HMGXB4: variants seen among roughly 807,000 people sequenced by gnomAD.
HMGXB4 encodes HMG domain-containing protein 4.
A neutral mutation model predicts 63.9 loss-of-function variants in HMGXB4; 27 were observed. The ratio of observed to expected loss-of-function variants is 0.42; its 90% CI spans 0.31 to 0.58. HMGXB4 has a LOEUF of 0.58. Ranked by LOEUF, HMGXB4 falls within the 20% of genes least tolerant of loss-of-function variation. HMGXB4 has a pLI of 0.13. For synonymous variants in HMGXB4, 264 were observed against 265.3 expected, an observed-to-expected ratio of 0.99 and a Z score of 0.05; for missense variants, 624 against 700.7, an observed-to-expected ratio of 0.89 and a Z score of 1.24.
At chr22:35,249,411 A>C in the HMGXB4 span, among the ~76,000 whole-genome samples, 1 of 98,322 alleles carries the variant, frequency 1.0e-5, no homozygotes, top group African/African-American at 2.6e-5. Context: ...TAACTTTTTT[A>C]CTTTATAAAC....
In HMGXB4 at chr22:35,293,040, A is replaced by G. The variant is rs556136047; in HGVS notation, c.1687A>G (p.Ile563Val). The change falls in exon 10 of 11, where the codon ATC becomes GTC. Residue 563 changes from isoleucine (I) to valine (V), a missense_variant. By Grantham distance (29) the Ile-to-Val change is conservative. Coordinates refer to ENST00000216106, the MANE Select transcript of HMGXB4 (RefSeq NM_001003681.3). ...GSLSVLLDSI[I>V]CALGPLACLT... Reference sequence around the variant, plus strand: ...TTTGTCAGTGCTTCTGGATTCCATTATCTGTGCCCTTGGCCCCTTGGCATG... The same window carrying G: ...TTTGTCAGTGCTTCTGGATTCCATTGTCTGTGCCCTTGGCCCCTTGGCATG... 3.1e-6 allele frequency: 5 copies of G among 1,614,164 alleles called. No homozygotes were observed. In the Admixed American group the frequency reaches 5.0e-5, roughly 16 times the overall value.
At chr22:35,276,190 G>A (rs932290) in intron 5 of HMGXB4, among the ~76,000 whole-genome samples, 75,789 of 152,084 alleles carry the variant, frequency 0.5, 22,412 homozygotes, top group Non-Finnish European at 0.65. Context: ...CAGCACGTGA[G>A]GCGAACAGTG....
rs551006065 is a variant in HMGXB4, at chr22:35,279,132, C to CTT, written c.1216-4800_1216-4799dup. Reference sequence around the variant, plus strand: ...TATTTTCTCACAGTCTATGGATTGTCTTTTTTTTTTTTTTTTTTTTTTTTT... The same window carrying CTT: ...TATTTTCTCACAGTCTATGGATTGTCTTTTTTTTTTTTTTTTTTTTTTTTTTT... On this transcript the variant is annotated intron_variant, in intron 5 of 10. Coordinates refer to ENST00000216106, the MANE Select transcript of HMGXB4 (RefSeq NM_001003681.3). 9.5e-3 allele frequency among the ~76,000 whole-genome samples: 483 copies of CTT among 50,828 alleles called. 66 individuals are homozygous for CTT. The highest frequency in any genetic ancestry group is 0.011 in the Non-Finnish European group (346 of 31,382). 33.3% of individuals were successfully genotyped at this position (50,828 alleles called of 152,430 possible).
intron 5 of HMGXB4, among the ~76,000 whole-genome samples, chr22:35,271,747 A>G (rs1200685976): frequency 6.6e-6 from 1 of 152,208 alleles, no homozygotes; most frequent in East Asian, 1.9e-4. Flanking sequence ...TTTGAGACAA[A>G]CAACAATACT....
chr22:35,263,849 C>T lies in HMGXB4; in HGVS notation c.234C>T (p.His78=), dbSNP rs753361151. 1.2e-6 allele frequency: 2 copies of T among 1,612,988 alleles called. No individual in the cohort carries two copies. The highest frequency in any genetic ancestry group is 1.7e-6 in the Non-Finnish European group (2 of 1,179,078). The change falls in exon 4 of 11, where the codon CAC becomes CAT. Residue 78 remains histidine, a synonymous_variant. Coordinates refer to ENST00000216106, the MANE Select transcript of HMGXB4 (RefSeq NM_001003681.3). ...GTDTHKKKRK[H]SSDDYYYGDI... Reference sequence around the variant, plus strand: ...ACACACACAAGAAGAAGAGGAAGCACTCCTCTGATGATTACTACTATGGAG... The same window carrying T: ...ACACACACAAGAAGAAGAGGAAGCATTCCTCTGATGATTACTACTATGGAG...
chr22:35,274,345 G>C (rs1923778167), intron 5 of HMGXB4, among the ~76,000 whole-genome samples: 1 of 152,226 alleles, frequency 6.6e-6, no homozygotes, highest in South Asian at 2.1e-4. Context: ...CCAGGAAGTT[G>C]ATATGACTGA....
intron 5 of HMGXB4, among the ~76,000 whole-genome samples, chr22:35,277,917 A>G (rs746713418): frequency 1.4e-4 from 22 of 152,098 alleles, no homozygotes; most frequent in Non-Finnish European, 2.8e-4. Flanking sequence ...GGTATTGTCC[A>G]TTCTGTGGGT....
chr22:35,293,350 T>G (rs1056086148), intron 10 of HMGXB4, among the ~76,000 whole-genome samples: 2 of 152,236 alleles, frequency 1.3e-5, no homozygotes, highest in African/African-American at 4.8e-5. Flanking sequence ...CTTGAGGTAC[T>G]ACAATTCCTG....
intron 4 of HMGXB4, 44 bp downstream of exon 4, chr22:35,263,918 G>A: frequency 1.9e-6 from 3 of 1,600,876 alleles, no homozygotes; most frequent in South Asian, 2.2e-5. Flanking sequence ...CACATCGCTG[G>A]TTCTTGGAGT....
intron 6 of HMGXB4, among the ~76,000 whole-genome samples, chr22:35,285,654 T>C (rs1924529036): frequency 1.3e-5 from 2 of 152,118 alleles, no homozygotes; most frequent in Admixed American, 6.5e-5. Flanking sequence ...TGAGCCCAGG[T>C]GGTTGAGGCT....
intron 8 of HMGXB4, 115 bp from the exon 9 acceptor site, chr22:35,288,123 C>A: frequency 1.2e-6 from 1 of 802,644 alleles, no homozygotes; most frequent in Non-Finnish European, 1.8e-6. Flanking sequence ...CCACAGGCCA[C>A]AGTTTTGCTA....
chr22:35,287,255 T>C, intron 7 of HMGXB4, 92 bp from the exon 8 acceptor site: 2 of 1,039,660 alleles, frequency 1.9e-6, no homozygotes, highest in South Asian at 2.8e-5. Context: ...TACTATTGCC[T>C]TTCTTTTCTC....
At chr22:35,272,427 G>A (rs1923661443) in intron 5 of HMGXB4, among the ~76,000 whole-genome samples, 1 of 152,122 alleles carries the variant, frequency 6.6e-6, no homozygotes, top group Non-Finnish European at 1.5e-5. Context: ...TTTGGAGGTG[G>A]TTTTTGTTTG....
the HMGXB4 span, among the ~76,000 whole-genome samples, chr22:35,246,278 C>CT: frequency 0.017 from 2,573 of 147,638 alleles, 23 homozygotes; most frequent in Non-Finnish European, 0.026. Context: ...CAATTATTTT[C>CT]TTTTTTTTTT....
chr22:35,295,404 A>G lies in HMGXB4; in HGVS notation c.*1753A>G, dbSNP rs1375953688. 1 of 152,652 alleles carries G rather than the reference A, an allele frequency of 6.6e-6. No individual in the cohort carries two copies. The highest frequency in any genetic ancestry group is 1.5e-5 in the Non-Finnish European group (1 of 68,044). The allele number at this position is 152,652 out of a possible 1,614,324, so 9.5% of individuals were successfully genotyped here. On this transcript the variant is annotated 3_prime_UTR_variant, in exon 11 of 11. Transcript: ENST00000216106. ...ATTTCATGTGTTAGAACATTGTACC[A>G]TGCCTCTTCTGTATCTGTGGAAGTT...
intron 5 of HMGXB4, among the ~76,000 whole-genome samples, chr22:35,281,086 T>C (rs1414671851): frequency 6.6e-6 from 1 of 152,256 alleles, no homozygotes; most frequent in Non-Finnish European, 1.5e-5. Context: ...AATAGTAGAA[T>C]ACTTTAATGG....
chr22:35,251,268 G>C, the HMGXB4 span, among the ~76,000 whole-genome samples: 6 of 152,006 alleles, frequency 3.9e-5, no homozygotes, highest in South Asian at 1.0e-3. Context: ...GTAGAGACGG[G>C]GTTTCACCAT....
chr22:35,293,543 G>C, intron 10 of HMGXB4, 64 bp from the exon 11 acceptor site: 1 of 1,091,044 alleles, frequency 9.2e-7, no homozygotes, highest in Non-Finnish European at 1.4e-6. Flanking sequence ...CTTGAACAAA[G>C]AAACATCTCT....
At chr22:35,276,373 C>G (rs975673108) in intron 5 of HMGXB4, among the ~76,000 whole-genome samples, 1 of 152,142 alleles carries the variant, frequency 6.6e-6, no homozygotes, top group African/African-American at 2.4e-5. Flanking sequence ...TTTTAAATTA[C>G]CTTAGCTACA....
Sources: allele counts gnomAD v4.1 joint callset (sites outside exome capture counted in the v4.1 genomes callset), GRCh38; gene constraint gnomAD v4.1.1; transcripts MANE v1.5; gene names NCBI Gene and HGNC (gene_info 2026-07-23, HGNC 2026-07-21).